Variants in CHAT observed in about 807,000 individuals in gnomAD.
The protein encoded by CHAT is acetyl CoA:choline O-acetyltransferase.
CHAT carries 61 observed loss-of-function variants against 76.9 expected under a neutral mutation model. The ratio of observed to expected loss-of-function variants is 0.79; its 90% CI spans 0.65 to 0.98. The LOEUF is 0.98. Among genes scored for constraint, CHAT ranks in the 50% least tolerant of loss-of-function variants. CHAT has a pLI of 0.00. For missense variants in CHAT, 946 were observed against 986.9 expected (o/e 0.96, Z 0.56); for synonymous variants, 407 against 397.4 (o/e 1.02, Z -0.29).
chr10:49,650,567 C>A (rs1564490888), intron 10 of CHAT, among the ~76,000 whole-genome samples: 1 of 152,144 alleles, frequency 6.6e-6, no homozygotes, highest in Non-Finnish European at 1.5e-5. Flanking sequence ...GGTTTGGAGA[C>A]CAGCAAGTGA....
intron 11 of CHAT, among the ~76,000 whole-genome samples, chr10:49,652,331 C>T (rs968228899): frequency 6.6e-6 from 1 of 152,094 alleles, no homozygotes; most frequent in Non-Finnish European, 1.5e-5. Context: ...ATCCCAACTT[C>T]CCCCATCTCA....
intron 7 of CHAT, among the ~76,000 whole-genome samples, chr10:49,632,853 G>T (rs1392735959): frequency 6.6e-6 from 1 of 152,180 alleles, no homozygotes; most frequent in Non-Finnish European, 1.5e-5. Flanking sequence ...GACTGCCAGG[G>T]TGGCACAGCC....
At chr10:49,653,620 A>G (rs1269524504) in intron 11 of CHAT, among the ~76,000 whole-genome samples, 1 of 152,224 alleles carries the variant, frequency 6.6e-6, no homozygotes, top group African/African-American at 2.4e-5. Context: ...ACCTTGGGGA[A>G]GGCCGATGTC....
At chr10:49,639,549 ACACACAC>A (rs1839410147) in intron 7 of CHAT, among the ~76,000 whole-genome samples, 2 of 77,178 alleles carry the variant, frequency 2.6e-5, no homozygotes, top group Non-Finnish European at 3.6e-5. Context: ...ATACACACAC[ACACACAC>A]ACACACACAC....
At position 49,666,009 on chromosome 10, in the gene CHAT, T is replaced by G. The variant is rs1423567663; in HGVS notation, c.*963T>G. 6.6e-6 allele frequency among the ~76,000 whole-genome samples: 1 copy of G among 152,234 alleles called. No homozygotes were observed. The highest frequency in any genetic ancestry group is 1.5e-5 in the Non-Finnish European group (1 of 68,042). On this transcript the variant is annotated 3_prime_UTR_variant, in exon 15 of 15. Coordinates refer to ENST00000337653, the MANE Select transcript of CHAT (RefSeq NM_020549.5). Reference sequence around the variant, plus strand: ...ATCTGTTTTGTTTTAAGACAGAGATTTTTAAGAAAACCACCCTGACATTAA... The same window carrying G: ...ATCTGTTTTGTTTTAAGACAGAGATGTTTAAGAAAACCACCCTGACATTAA...
chr10:49,620,055 G>T (rs183213341), intron 3 of CHAT, 139 bp downstream of exon 3: 6 of 824,774 alleles, frequency 7.3e-6, no homozygotes, highest in Middle Eastern at 2.6e-4. Context: ...GATAGGTGTG[G>T]GAACAGGCAG....
At chr10:49,650,679 T>C (rs1315187956) in intron 10 of CHAT, among the ~76,000 whole-genome samples, 4 of 152,154 alleles carry the variant, frequency 2.6e-5, no homozygotes, top group Admixed American at 6.5e-5. Flanking sequence ...ACTGGAGGGT[T>C]CTGTGCAGGG....
chr10:49,614,273 G>A lies in CHAT; in HGVS notation c.84G>A (p.Arg28=). 6.5e-7 allele frequency: 1 copy of A among 1,548,680 alleles called. No individual in the cohort carries two copies. Among genetic ancestry groups the A allele is most frequent in the Non-Finnish European group, 8.7e-7 (1 of 1,146,626 alleles). The change falls in exon 1 of 15, where the codon AGG becomes AGA. Residue 28 remains arginine, a synonymous_variant. Transcript: ENST00000337653. The stretch of plus-strand genomic sequence containing the variant: ...AGGAGGGAGGAGGTACAAGAGGAAG[G>A]AGAGAAGTGCGGCCAGCTTGCTTTC... ...KREEGGGTRG[R]REVRPACFLQ...
chr10:49,663,332 C>A (rs1840256976), intron 14 of CHAT, among the ~76,000 whole-genome samples: 1 of 152,194 alleles, frequency 6.6e-6, no homozygotes, highest in Non-Finnish European at 1.5e-5. Context: ...CATACCCATT[C>A]TGGTGCCCTA....
intron 13 of CHAT, among the ~76,000 whole-genome samples, chr10:49,660,268 A>G (rs191907970): frequency 2.0e-5 from 3 of 152,190 alleles, no homozygotes; most frequent in African/African-American, 7.2e-5. Flanking sequence ...GTGAAACCCC[A>G]TCTCTATTAA....
chr10:49,655,245 C>T lies in CHAT; in HGVS notation c.1776+9C>T, dbSNP rs371325027. 5.0e-6 allele frequency: 8 copies of T among 1,613,994 alleles called. No homozygotes were observed. The highest frequency in any genetic ancestry group is 3.3e-5 in the South Asian group (3 of 91,088). Reference sequence around the variant, plus strand: ...ACAAGGCTGCTGTGCCAGTAAGTCCCGCCCCACCCCACGGCCACAGGAAAC... The same window carrying T: ...ACAAGGCTGCTGTGCCAGTAAGTCCTGCCCCACCCCACGGCCACAGGAAAC... On this transcript the variant is annotated intron_variant, in intron 12 of 14. Transcript: ENST00000337653.
rs554509472 is a variant in CHAT at position 49,658,614 on chromosome 10, C to G, written c.1839+3166C>G. On this transcript the variant is annotated intron_variant, in intron 13 of 14. Coordinates refer to ENST00000337653, the MANE Select transcript of CHAT (RefSeq NM_020549.5). The stretch of plus-strand genomic sequence containing the variant: ...ATCCCAGCTACTAGGGAGGCTGAGG[C>G]AGGAGAATCGCTTGAACCCGGGAGT... 3.3e-5 allele frequency among the ~76,000 whole-genome samples: 5 copies of G among 152,288 alleles called. No individual in the cohort carries two copies. In the South Asian group the frequency reaches 1.0e-3, roughly 32 times the overall value.
At chr10:49,641,573 AC>A (rs1167446807) in intron 7 of CHAT, among the ~76,000 whole-genome samples, 2 of 152,074 alleles carry the variant, frequency 1.3e-5, no homozygotes, top group African/African-American at 4.8e-5. Flanking sequence ...CATAAAGATC[AC>A]CCCCTAGGCC....
intron 8 of CHAT, among the ~76,000 whole-genome samples, chr10:49,647,594 G>A (rs145441505): frequency 6.6e-5 from 10 of 152,156 alleles, no homozygotes; most frequent in South Asian, 2.1e-4. Context: ...TTTCTGATGC[G>A]CTCTCCAGCT....
intron 1 of CHAT, among the ~76,000 whole-genome samples, chr10:49,615,493 C>T (rs147308675): frequency 1.4e-3 from 213 of 152,346 alleles, no homozygotes; most frequent in Non-Finnish European, 2.4e-3. Context: ...TTCCTGGCAA[C>T]AACCCTGCCA....
At chr10:49,615,685 G>A in intron 1 of CHAT, 1 of 311,204 alleles carries the variant, frequency 3.2e-6, no homozygotes, top group Non-Finnish European at 5.9e-6. Flanking sequence ...TAGCAATTGT[G>A]ACCCACAGCC....
chr10:49,612,579 G>A (rs563339546), upstream of CHAT: 8 of 520,552 alleles, frequency 1.5e-5, no homozygotes, highest in South Asian at 2.3e-4. Flanking sequence ...CGGAGGTGAA[G>A]AGGACCCTGA....
chr10:49,656,521 C>T (rs1356332038), intron 13 of CHAT, among the ~76,000 whole-genome samples: 1 of 152,074 alleles, frequency 6.6e-6, no homozygotes, highest in Admixed American at 6.5e-5. Flanking sequence ...AGGAAGAATT[C>T]CCAGGGAAAG....
chr10:49,611,202 G>T, upstream of CHAT: 1 of 1,614,078 alleles, frequency 6.2e-7, no homozygotes. Context: ...ACGACGTGCC[G>T]CTGCTGATCG....
Sources: allele counts gnomAD v4.1 joint callset (sites outside exome capture counted in the v4.1 genomes callset), GRCh38; gene constraint gnomAD v4.1.1; transcripts MANE v1.5; gene names NCBI Gene and HGNC (gene_info 2026-07-23, HGNC 2026-07-21).